Variants in MORC1 observed in about 807,000 individuals in gnomAD.
MORC1 encodes the protein MORC family CW-type zinc finger protein 1.
Under a neutral mutation model 134.9 loss-of-function variants are expected in MORC1, and 59 were observed. The observed-to-expected ratio is 0.44, with a 90% CI of 0.35 to 0.54. The LOEUF (loss-of-function observed/expected upper bound fraction) is 0.54. MORC1 is among the 20% of genes least tolerant of loss of function. The pLI is 0.00. For missense variants in MORC1, 947 were observed against 1,134.5 expected (o/e 0.83, Z 2.37); for synonymous variants, 395 against 391.7 (o/e 1.01, Z -0.10).
chr3:108,959,218 C>T, intron 27 of MORC1, 98 bp from the exon 28 acceptor site: 2 of 1,052,034 alleles, frequency 1.9e-6, no homozygotes, highest in Non-Finnish European at 2.7e-6. Context: ...ATGACTCATG[C>T]TGCAACAAAA....
At chr3:109,046,790 C>T (rs1285138312) in intron 14 of MORC1, among the ~76,000 whole-genome samples, 1 of 152,132 alleles carries the variant, frequency 6.6e-6, no homozygotes. Flanking sequence ...AGGGTTACTA[C>T]AGTGAAATAA....
At chr3:108,989,497 T>C (rs976241347) in intron 21 of MORC1, among the ~76,000 whole-genome samples, 2 of 152,170 alleles carry the variant, frequency 1.3e-5, no homozygotes, top group African/African-American at 4.8e-5. Flanking sequence ...AGTATCTACT[T>C]AAGAAGATAA....
intron 21 of MORC1, among the ~76,000 whole-genome samples, chr3:108,987,414 C>T (rs960131533): frequency 6.6e-6 from 1 of 152,278 alleles, no homozygotes; most frequent in East Asian, 1.9e-4. Context: ...GGGCTGGGGC[C>T]TGTAGTCCCA....
chr3:109,094,441 T>C (rs1950789876), intron 7 of MORC1, among the ~76,000 whole-genome samples: 2 of 152,162 alleles, frequency 1.3e-5, no homozygotes, highest in Admixed American at 1.3e-4. Context: ...AGAAAGTTGG[T>C]GGAGGTGGAA....
intron 13 of MORC1, 56 bp from the exon 14 acceptor site, chr3:109,054,938 A>C: frequency 6.8e-7 from 1 of 1,461,480 alleles, no homozygotes; most frequent in South Asian, 1.3e-5. Flanking sequence ...AAAAAAATCA[A>C]ATATATTCTG....
chr3:109,004,804 A>G lies in MORC1; in HGVS notation c.2085+13T>C. ...TTTCTCCCTTAAATACAAATTTAAA[A>G]GCCTTTTCCCACCTGGGCATTCTTC... On this transcript the variant is annotated intron_variant, in intron 20 of 27. Coordinates refer to ENST00000232603, the MANE Select transcript of MORC1 (RefSeq NM_014429.4). The G allele has an allele frequency of 6.2e-7, 1 of 1,610,576 alleles. No individual in the cohort carries two copies.
chr3:109,117,688 T>G (rs1951301631), intron 1 of MORC1, among the ~76,000 whole-genome samples: 2 of 152,216 alleles, frequency 1.3e-5, no homozygotes, highest in South Asian at 4.1e-4. Context: ...TTAGGCAGAC[T>G]AAGGTTAGGC....
intron 24 of MORC1, among the ~76,000 whole-genome samples, chr3:108,977,894 T>C (rs1947605691): frequency 6.6e-6 from 1 of 152,152 alleles, no homozygotes; most frequent in Admixed American, 6.5e-5. Context: ...TGGCTTTTTT[T>C]TGAGATGGAG....
At chr3:109,009,197 G>GTTTTTTT (rs201228015) in intron 17 of MORC1, among the ~76,000 whole-genome samples, 8 of 133,806 alleles carry the variant, frequency 6.0e-5, no homozygotes, top group Non-Finnish European at 9.8e-5. Flanking sequence ...CTATTTTTAC[G>GTTTTTTT]TTTTTTGTTG....
At chr3:109,112,230 C>T (rs1233688237) in intron 2 of MORC1, among the ~76,000 whole-genome samples, 1 of 152,146 alleles carries the variant, frequency 6.6e-6, no homozygotes, top group African/African-American at 2.4e-5. Context: ...AGGATACTTC[C>T]TTTCTGAAGA....
chr3:109,069,855 T>C, intron 8 of MORC1, 98 bp from the exon 9 acceptor site: 2 of 1,252,946 alleles, frequency 1.6e-6, no homozygotes, highest in Non-Finnish European at 1.0e-6. Context: ...TTATTGTTAC[T>C]ACAAGAAGCT....
At chr3:108,990,898 T>TTCTCTCTCTCTCTCTCTCTCTCTCTC (rs34333221) in intron 21 of MORC1, among the ~76,000 whole-genome samples, 2 of 145,664 alleles carry the variant, frequency 1.4e-5, no homozygotes, top group African/African-American at 5.1e-5. Flanking sequence ...GTTTCTCTCT[T>TTCTCTCTCTCTCTCTCTCTCTCTCTC]TCTCTCTCTC....
intron 22 of MORC1, among the ~76,000 whole-genome samples, chr3:108,986,672 G>A (rs1178286877): frequency 6.6e-6 from 1 of 152,106 alleles, no homozygotes; most frequent in African/African-American, 2.4e-5. Context: ...TCCTCAGCCA[G>A]AAAGTGTCTC....
At chr3:109,045,904 G>A (rs2107647771) in intron 14 of MORC1, among the ~76,000 whole-genome samples, 1 of 152,236 alleles carries the variant, frequency 6.6e-6, no homozygotes, top group Non-Finnish European at 1.5e-5. Flanking sequence ...TGGCCATGTA[G>A]CATCATTTTC....
At chr3:109,081,243 G>A (rs1368480385) in intron 8 of MORC1, among the ~76,000 whole-genome samples, 4 of 152,082 alleles carry the variant, frequency 2.6e-5, no homozygotes, top group Admixed American at 2.0e-4. Context: ...TAACAATGCT[G>A]AAAGTCAGAT....
At chr3:108,985,809 ACTTGAAGT>A (rs1947880310) in intron 22 of MORC1, among the ~76,000 whole-genome samples, 2 of 152,222 alleles carry the variant, frequency 1.3e-5, no homozygotes, top group African/African-American at 4.8e-5. Context: ...ACAGAACCAT[ACTTGAAGT>A]CACAGTAGTA....
At chr3:109,046,649 A>T (rs982122226) in intron 14 of MORC1, among the ~76,000 whole-genome samples, 2 of 152,202 alleles carry the variant, frequency 1.3e-5, no homozygotes, top group East Asian at 1.9e-4. Flanking sequence ...TTTGATTTTT[A>T]TTAATACAAT....
chr3:108,988,011 T>G (rs1444859072), intron 21 of MORC1, among the ~76,000 whole-genome samples: 4 of 152,160 alleles, frequency 2.6e-5, no homozygotes, highest in Non-Finnish European at 5.9e-5. Flanking sequence ...GATAGGGAGC[T>G]GTCAGGTTTT....
chr3:109,064,829 C>T (rs754686156), intron 9 of MORC1, among the ~76,000 whole-genome samples: 6 of 152,018 alleles, frequency 3.9e-5, no homozygotes, highest in African/African-American at 1.2e-4. Context: ...GAGATGTGGA[C>T]GTTGAATAGA....
Sources: allele counts gnomAD v4.1 joint callset (sites outside exome capture counted in the v4.1 genomes callset), GRCh38; gene constraint gnomAD v4.1.1; transcripts MANE v1.5; gene names NCBI Gene and HGNC (gene_info 2026-07-23, HGNC 2026-07-21).